Variants in RNF152 observed in about 807,000 individuals in gnomAD.
RNF152 encodes the protein E3 ubiquitin-protein ligase RNF152.
In RNF152, 11 loss-of-function variants were observed where a neutral mutation model predicts 12.7. The observed-to-expected ratio is 0.86, with a 90% CI of 0.54 to 1.43. The LOEUF (loss-of-function observed/expected upper bound fraction) is 1.43. Ranked by LOEUF, RNF152 falls within the 40% of genes most tolerant of loss-of-function variation. RNF152 has a pLI of 0.00. For synonymous variants in RNF152, 113 were observed against 120.3 expected, an observed-to-expected ratio of 0.94 and a Z score of 0.40; for missense variants, 255 against 274.8, an observed-to-expected ratio of 0.93 and a Z score of 0.51.
intron 1 of RNF152, among the ~76,000 whole-genome samples, chr18:61,830,470 G>C (rs1046592022): frequency 6.6e-6 from 1 of 152,172 alleles, no homozygotes; most frequent in African/African-American, 2.4e-5. Context: ...ATAAGAGTGG[G>C]ATTGTACACT....
chr18:61,857,924 A>G (rs1052720486), intron 1 of RNF152, among the ~76,000 whole-genome samples: 3 of 152,190 alleles, frequency 2.0e-5, no homozygotes, highest in African/African-American at 7.2e-5. Flanking sequence ...AACAATAACA[A>G]CAGGAGCAAA....
chr18:61,833,833 T>C (rs1427502111), intron 1 of RNF152, among the ~76,000 whole-genome samples: 1 of 152,192 alleles, frequency 6.6e-6, no homozygotes, highest in Admixed American at 6.5e-5. Context: ...TCACCTAAGG[T>C]GACCTCTCTC....
At chr18:61,817,511 T>C (rs1292900811) in intron 1 of RNF152, among the ~76,000 whole-genome samples, 4 of 152,114 alleles carry the variant, frequency 2.6e-5, no homozygotes, top group Non-Finnish European at 5.9e-5. Flanking sequence ...ACATCAAAAA[T>C]ACAGCGTTCT....
At chr18:61,830,267 C>A (rs1470574788) in intron 1 of RNF152, among the ~76,000 whole-genome samples, 1 of 152,032 alleles carries the variant, frequency 6.6e-6, no homozygotes, top group Admixed American at 6.6e-5. Flanking sequence ...CTCAAGTGAT[C>A]CACCCACCTC....
rs77972621 is a variant in RNF152 at position 61,877,111 on chromosome 18, G to A, written c.-136+15684C>T. 5.8e-4 allele frequency among the ~76,000 whole-genome samples: 88 copies of A among 152,290 alleles called. 1 individual carries two copies. In the East Asian group the frequency reaches 0.013, roughly 22 times the overall value. ...ACCAAACACAAAGCTTCCAGCCATCGAAAGACTCATCCACAAACAGCCATT... is the reference window on the plus strand; with the variant it reads ...ACCAAACACAAAGCTTCCAGCCATCAAAAGACTCATCCACAAACAGCCATT... On this transcript the variant is annotated intron_variant, in intron 1 of 1. Transcript: ENST00000312828.
rs1912971886 is a variant in RNF152 at position 61,811,342 on chromosome 18, T to C, written c.*4510A>G. On this transcript the variant is annotated 3_prime_UTR_variant, in exon 2 of 2. Coordinates refer to ENST00000312828, the MANE Select transcript of RNF152 (RefSeq NM_173557.3). Reference sequence around the variant, plus strand: ...TATATCTCAAACTGAATTTTCTGCTTCCTTTTATTTAGCTAAAAAGTAATT... The same window carrying C: ...TATATCTCAAACTGAATTTTCTGCTCCCTTTTATTTAGCTAAAAAGTAATT... 6.6e-6 allele frequency: 1 copy of C among 152,200 alleles called. No individual in the cohort carries two copies. The highest frequency in any genetic ancestry group is 2.4e-5 in the African/African-American group (1 of 41,444). 9.4% of individuals were successfully genotyped at this position (152,200 alleles called of 1,614,324 possible).
chr18:61,815,628 C>A lies in RNF152; in HGVS notation c.*224G>T. ...TGATTATGAGGATGCATGCAATCAT[C>A]TTCCAAGCTGTTGCCATCAACACTC... is the stretch of plus-strand genomic sequence containing the variant. On this transcript the variant is annotated 3_prime_UTR_variant, in exon 2 of 2. Coordinates refer to ENST00000312828, the MANE Select transcript of RNF152 (RefSeq NM_173557.3). 1.8e-6 allele frequency: 1 copy of A among 547,306 alleles called. No individual in the cohort carries two copies. Among genetic ancestry groups the A allele is most frequent in the South Asian group, 2.5e-5 (1 of 39,454 alleles). The allele number at this position is 547,306 out of a possible 1,614,324, so 33.9% of individuals were successfully genotyped here.
intron 1 of RNF152, among the ~76,000 whole-genome samples, chr18:61,841,367 A>C (rs1910445728): frequency 6.6e-6 from 1 of 152,354 alleles, no homozygotes; most frequent in African/African-American, 2.4e-5. Flanking sequence ...TATTCATGAA[A>C]TAGTCCCTTC....
At chr18:61,845,321 G>A (rs774443175) in intron 1 of RNF152, among the ~76,000 whole-genome samples, 2 of 152,216 alleles carry the variant, frequency 1.3e-5, no homozygotes, top group African/African-American at 2.4e-5. Flanking sequence ...CAATGCTAGG[G>A]ATCTCAAATA....
chr18:61,880,936 G>A (rs1284266250), intron 1 of RNF152, among the ~76,000 whole-genome samples: 2 of 135,216 alleles, frequency 1.5e-5, no homozygotes, highest in Admixed American at 7.7e-5. Flanking sequence ...TTTTTGAGAC[G>A]GAGTTTTGCT....
At chr18:61,838,756 C>T (rs1257424717) in intron 1 of RNF152, among the ~76,000 whole-genome samples, 2 of 152,146 alleles carry the variant, frequency 1.3e-5, no homozygotes, top group Admixed American at 6.5e-5. Context: ...CGACTGCAGG[C>T]CCAGCTTTCA....
At chr18:61,833,811 T>C (rs1275222865) in intron 1 of RNF152, among the ~76,000 whole-genome samples, 3 of 152,200 alleles carry the variant, frequency 2.0e-5, no homozygotes, top group African/African-American at 7.2e-5. Flanking sequence ...AGATCTAGAA[T>C]GGGGTGATAC....
At chr18:61,827,906 T>C (rs1036568795) in intron 1 of RNF152, among the ~76,000 whole-genome samples, 1 of 152,214 alleles carries the variant, frequency 6.6e-6, no homozygotes, top group African/African-American at 2.4e-5. Context: ...ACCTTGAAAC[T>C]AGATATGGAA....
intron 1 of RNF152, among the ~76,000 whole-genome samples, chr18:61,887,468 C>A (rs888800987): frequency 6.6e-6 from 1 of 152,132 alleles, no homozygotes; most frequent in Non-Finnish European, 1.5e-5. Flanking sequence ...CCTGTAATTC[C>A]AGCATTTTGG....
intron 1 of RNF152, among the ~76,000 whole-genome samples, chr18:61,826,582 G>A (rs1282149700): frequency 6.6e-6 from 1 of 151,734 alleles, no homozygotes; most frequent in Non-Finnish European, 1.5e-5. Context: ...CTCTTTACAT[G>A]TTTTTGGTTA....
At chr18:61,872,138 G>C (rs1228253662) in intron 1 of RNF152, among the ~76,000 whole-genome samples, 1 of 152,138 alleles carries the variant, frequency 6.6e-6, no homozygotes, top group Non-Finnish European at 1.5e-5. Flanking sequence ...CAGGACCAAG[G>C]GTTGGAGGAG....
intron 1 of RNF152, among the ~76,000 whole-genome samples, chr18:61,877,948 T>G (rs1189302748): frequency 6.6e-6 from 1 of 152,182 alleles, no homozygotes; most frequent in Non-Finnish European, 1.5e-5. Context: ...CCAATGACAC[T>G]TGGCAAGGGA....
At chr18:61,847,381 A>G (rs975460963) in intron 1 of RNF152, among the ~76,000 whole-genome samples, 3 of 152,244 alleles carry the variant, frequency 2.0e-5, no homozygotes, top group Non-Finnish European at 2.9e-5. Flanking sequence ...CTGCTCTAAA[A>G]AGAGGTTTGG....
chr18:61,842,826 A>G (rs1910512248), intron 1 of RNF152, among the ~76,000 whole-genome samples: 1 of 152,164 alleles, frequency 6.6e-6, no homozygotes, highest in Non-Finnish European at 1.5e-5. Context: ...AAACCATCAG[A>G]TCTCAGGAAA....
Sources: allele counts gnomAD v4.1 joint callset (sites outside exome capture counted in the v4.1 genomes callset), GRCh38; gene constraint gnomAD v4.1.1; transcripts MANE v1.5; gene names NCBI Gene and HGNC (gene_info 2026-07-23, HGNC 2026-07-21).